Variants in ESR1 observed in about 807,000 individuals in gnomAD.
ESR1 encodes the protein estrogen receptor 1.
A neutral mutation model predicts 52.7 loss-of-function variants in ESR1; 12 were observed. The ratio of observed to expected loss-of-function variants is 0.23; its 90% CI spans 0.15 to 0.37. The LOEUF (loss-of-function observed/expected upper bound fraction) is 0.37. Among genes scored for constraint, ESR1 ranks in the 10% least tolerant of loss-of-function variants. The pLI, the probability that ESR1 is intolerant of heterozygous loss-of-function variation, is 1.00. For synonymous variants in ESR1, 305 were observed against 316.8 expected (o/e 0.96, Z 0.39); for missense variants, 584 against 779.7 (o/e 0.75, Z 2.99).
chr6:152,122,353 G>T, intron 6 of ESR1: 1 of 1,609,970 alleles, frequency 6.2e-7, no homozygotes, highest in South Asian at 1.1e-5. Context: ...CAAGATCAAG[G>T]TCCTCTTGTT....
intron 1 of ESR1, among the ~76,000 whole-genome samples, chr6:151,683,721 TAG>T (rs1322301260): frequency 6.6e-6 from 1 of 151,020 alleles, no homozygotes; most frequent in Non-Finnish European, 1.5e-5. Flanking sequence ...TTTTTTGAGA[TAG>T]AGTCTCACTC....
At chr6:152,127,889 G>C (rs2054069330) in exon 7 of ESR1, 1 of 152,132 alleles carries the variant, frequency 6.6e-6, no homozygotes, top group South Asian at 2.1e-4. Context: ...TTTTAAATGA[G>C]GGCTTTTTTC....
chr6:151,728,554 G>T (rs912464725), intron 2 of ESR1, among the ~76,000 whole-genome samples: 14 of 152,144 alleles, frequency 9.2e-5, no homozygotes, highest in Non-Finnish European at 5.9e-5. Context: ...CTTTGTGGAG[G>T]TATAGCTGAC....
chr6:151,696,509 A>G (rs1323193965), intron 1 of ESR1, among the ~76,000 whole-genome samples: 1 of 150,530 alleles, frequency 6.6e-6, no homozygotes, highest in African/African-American at 2.4e-5. Context: ...TAAATAAATA[A>G]ATAAATAAAT....
At chr6:151,897,594 T>C (rs1420364303) in intron 3 of ESR1, among the ~76,000 whole-genome samples, 1 of 152,216 alleles carries the variant, frequency 6.6e-6, no homozygotes, top group Non-Finnish European at 1.5e-5. Context: ...GGTGAGTTTC[T>C]TGAAGGCAGC....
chr6:151,759,268 CAAAAAAAAAAA>C (rs984171376), intron 2 of ESR1, among the ~76,000 whole-genome samples: 1 of 66,434 alleles, frequency 1.5e-5, no homozygotes, highest in Admixed American at 1.7e-4. Flanking sequence ...GACTCTGTCT[CAAAAAAAAAAA>C]AAAAAAAAAA....
intron 5 of ESR1, among the ~76,000 whole-genome samples, chr6:152,043,028 G>C (rs2982731): frequency 0.42 from 63,555 of 151,992 alleles, 14,748 homozygotes; most frequent in African/African-American, 0.61. Flanking sequence ...AAGGATGCAG[G>C]TGCTGCCCTC....
intron 2 of ESR1, among the ~76,000 whole-genome samples, chr6:151,863,696 C>G (rs1274869253): frequency 6.6e-6 from 1 of 152,060 alleles, no homozygotes; most frequent in Non-Finnish European, 1.5e-5. Context: ...TAGGATGGTA[C>G]TGGTACCAAA....
At chr6:152,114,009 C>T (rs1195236796) in intron 6 of ESR1, among the ~76,000 whole-genome samples, 1 of 152,102 alleles carries the variant, frequency 6.6e-6, no homozygotes, top group Non-Finnish European at 1.5e-5. Context: ...TATAAATGTC[C>T]AGATCATTAG....
At position 151,894,151 on chromosome 6, in the gene ESR1, A is replaced by G. The variant is rs575828730; in HGVS notation, c.760+13380A>G. Among the ~76,000 whole-genome samples, 4 of 152,126 alleles carry G rather than the reference A, an allele frequency of 2.6e-5. No individual in the cohort carries two copies. In the South Asian group the frequency reaches 8.3e-4, roughly 32 times the overall value. ...AGTTGCATTTCCCTGATCTTTGGTG[A>G]TGTTGAGTATTTTTTCATATGTTTG... On this transcript the variant is annotated intron_variant, in intron 3 of 7. Coordinates refer to ENST00000206249, the MANE Select transcript of ESR1 (RefSeq NM_000125.4).
chr6:151,693,895 G>A (rs1779129302), intron 1 of ESR1, among the ~76,000 whole-genome samples: 1 of 152,180 alleles, frequency 6.6e-6, no homozygotes, highest in Non-Finnish European at 1.5e-5. Context: ...TGGGATTACA[G>A]ACGTCAGCCA....
At chr6:151,750,805 G>GA (rs199649600) in intron 2 of ESR1, among the ~76,000 whole-genome samples, 2,919 of 151,020 alleles carry the variant, frequency 0.019, 38 homozygotes, top group East Asian at 0.034. Flanking sequence ...TTAGAAAGTT[G>GA]AAAAAAAAAT....
rs192143590 is a variant in ESR1, at chr6:152,079,855, C to T, written c.1370-14530C>T. On this transcript the variant is annotated intron_variant, in intron 6 of 7. Transcript: ENST00000206249. Reference sequence around the variant, plus strand: ...AACTTCGTGATGTATGCACAAGCTTCGATAGCTGATTTGATCAAGTGGAAG... The same window carrying T: ...AACTTCGTGATGTATGCACAAGCTTTGATAGCTGATTTGATCAAGTGGAAG... 1.4e-4 allele frequency among the ~76,000 whole-genome samples: 21 copies of T among 152,114 alleles called. No homozygotes were observed. The East Asian group carries it at 3.3e-3, about 24-fold the overall frequency.
At chr6:151,793,434 G>A (rs904115172) in intron 2 of ESR1, among the ~76,000 whole-genome samples, 1 of 152,076 alleles carries the variant, frequency 6.6e-6, no homozygotes, top group African/African-American at 2.4e-5. Flanking sequence ...CTAGTAGAAG[G>A]AGTACACTAA....
intron 2 of ESR1, among the ~76,000 whole-genome samples, chr6:151,758,621 C>T (rs1474392014): frequency 2.6e-5 from 4 of 151,880 alleles, no homozygotes; most frequent in East Asian, 1.9e-4. Flanking sequence ...ATTAGGCAGG[C>T]CTGGTGGTGG....
intron 4 of ESR1, among the ~76,000 whole-genome samples, chr6:151,949,679 A>T (rs1049727226): frequency 6.6e-6 from 1 of 152,214 alleles, no homozygotes; most frequent in African/African-American, 2.4e-5. Flanking sequence ...CAAGTGTTCC[A>T]TGTCCAAGTC....
chr6:151,766,674 T>A (rs539746556), intron 2 of ESR1, among the ~76,000 whole-genome samples: 95 of 152,108 alleles, frequency 6.2e-4, no homozygotes, highest in African/African-American at 2.2e-3. Flanking sequence ...TAAGAAAAAA[T>A]TTACAGTTTT....
intron 1 of ESR1, among the ~76,000 whole-genome samples, chr6:151,691,773 A>T (rs1778965739): frequency 6.6e-6 from 1 of 152,222 alleles, no homozygotes; most frequent in Non-Finnish European, 1.5e-5. Context: ...CTTAAATTGG[A>T]TGAGAATGTT....
At chr6:152,084,210 G>A (rs558733198) in intron 6 of ESR1, among the ~76,000 whole-genome samples, 4 of 151,774 alleles carry the variant, frequency 2.6e-5, no homozygotes, top group East Asian at 3.9e-4. Flanking sequence ...CTCATAGGTG[G>A]GAGTTGAACA....
Sources: gnomAD v4.1 joint callset for allele counts (sites outside exome capture counted in the v4.1 genomes callset) on GRCh38, gnomAD v4.1.1 for gene constraint, MANE v1.5 for transcripts, NCBI Gene and HGNC (gene_info 2026-07-23, HGNC 2026-07-21) for gene names.